Variants in ZNF316 observed in about 807,000 individuals in gnomAD.
ZNF316 encodes zinc finger protein 316.
A neutral mutation model predicts 75.6 loss-of-function variants in ZNF316; 23 were observed. The ratio of observed to expected loss-of-function variants is 0.30; its 90% CI spans 0.22 to 0.43. The LOEUF is 0.43. ZNF316 is among the 20% of genes least tolerant of loss of function. The pLI, the probability that ZNF316 is intolerant of heterozygous loss-of-function variation, is 1.00. For missense variants in ZNF316, 1,266 were observed against 1,409.4 expected, an observed-to-expected ratio of 0.90 and a Z score of 1.63; for synonymous variants, 827 against 666.2, an observed-to-expected ratio of 1.24 and a Z score of -3.72.
rs999448896 is a variant in ZNF316, at chr7:6,656,710, G to C, written c.*2099G>C. Among the ~76,000 whole-genome samples the C allele has an allele frequency of 1.3e-5, 2 of 152,050 alleles. No individual in the cohort carries two copies. Among genetic ancestry groups the C allele is most frequent in the Non-Finnish European group, 2.9e-5 (2 of 68,012 alleles). ...GGCATTACTTTTTGTGAATATGTTG[G>C]CCAGGCTTCCAGAGGCCAGAGTGAG... On this transcript the variant is annotated 3_prime_UTR_variant, in exon 9 of 9. Coordinates refer to ENST00000382252, the MANE Select transcript of ZNF316 (RefSeq NM_001278559.2).
chr7:6,646,391 G>A (rs755922913), intron 8 of ZNF316, among the ~76,000 whole-genome samples: 2 of 152,216 alleles, frequency 1.3e-5, no homozygotes, highest in African/African-American at 2.4e-5. Flanking sequence ...GTCCCTCAGC[G>A]TGTGGTCTAC....
Position 6,653,537 on chromosome 7 carries a change from G to C in ZNF316, c.1941G>C (p.Gly647=). Residue 647 remains glycine (G), a synonymous_variant, in exon 9 of 9, where the codon GGG becomes GGC. Coordinates refer to ENST00000382252, the MANE Select transcript of ZNF316 (RefSeq NM_001278559.2). ...GGPLSLVEGT[G]LACDPFGGGG... is the part of the protein sequence containing the mutation. ...CGCTCTCCCTGGTGGAGGGTACCGG[G>C]CTGGCGTGCGACCCTTTCGGCGGCG... is the stretch of plus-strand genomic sequence containing the variant. 8.3e-7 allele frequency: 1 copy of C among 1,211,742 alleles called. No homozygotes were observed. The highest frequency in any genetic ancestry group is 1.0e-6 in the Non-Finnish European group (1 of 975,624). 75.1% of individuals were successfully genotyped at this position (1,211,742 alleles called of 1,614,324 possible).
At position 6,652,616 on chromosome 7, in the gene ZNF316, C is replaced by T. The variant is rs373742099; in HGVS notation, c.1020C>T (p.Ala340=). ...WAFPAAVAPP[A]GRPETTCDVC... ...TCCCCGCCGCAGTGGCCCCGCCGGC[C>T]GGGAGGCCGGAGACCACGTGCGACG... Residue 340 remains alanine, a synonymous_variant, in exon 9 of 9, where the codon GCC becomes GCT. Coordinates refer to ENST00000382252, the MANE Select transcript of ZNF316 (RefSeq NM_001278559.2). 11 of 1,230,252 alleles carry T rather than the reference C, an allele frequency of 8.9e-6. No individual in the cohort carries two copies. The East Asian group carries it at 9.5e-5, about 11-fold the overall frequency. The allele number at this position is 1,230,252 out of a possible 1,614,324, so 76.2% of individuals were successfully genotyped here.
rs944460439 is a variant in ZNF316, at chr7:6,656,162, TGAG to T, written c.*1553_*1555del. 5 of 151,622 alleles carry T rather than the reference TGAG, an allele frequency of 3.3e-5. No individual in the cohort carries two copies. The highest frequency in any genetic ancestry group is 9.7e-5 in the African/African-American group (4 of 41,114). 9.4% of individuals were successfully genotyped at this position (151,622 alleles called of 1,614,324 possible). A position where few individuals can be genotyped will look rare whatever the true frequency, so the allele number is the denominator to read the frequency against. On this transcript the variant is annotated 3_prime_UTR_variant, in exon 9 of 9. Coordinates refer to ENST00000382252, the MANE Select transcript of ZNF316 (RefSeq NM_001278559.2). Reference sequence around the variant, plus strand: ...AGTTAGCCTGGCTGGGTGAGGTTGGTGAGGTTGCGGGGCGGGGTGGTGAGGAGA... The same window carrying T: ...AGTTAGCCTGGCTGGGTGAGGTTGGTGTTGCGGGGCGGGGTGGTGAGGAGA...
rs1287291814 is a variant in ZNF316 at position 6,657,144 on chromosome 7, C to T, written c.*2533C>T. Among the ~76,000 whole-genome samples the T allele has an allele frequency of 6.6e-6, 1 of 151,842 alleles. No individual in the cohort carries two copies. The highest frequency in any genetic ancestry group is 1.5e-5 in the Non-Finnish European group (1 of 67,960). ...GAGTAGCTGGGATTACAGGCATGTG[C>T]CACCATGCCCAGCGAGTTTTTTTGT... On this transcript the variant is annotated 3_prime_UTR_variant, in exon 9 of 9. Transcript: ENST00000382252.
chr7:6,638,168 GACCTCGGTGCTTGGTTTGGTTCA>G (rs758813478), intron 2 of ZNF316, among the ~76,000 whole-genome samples, 159 bp downstream of exon 2: 11 of 152,170 alleles, frequency 7.2e-5, no homozygotes, highest in Non-Finnish European at 1.6e-4. Flanking sequence ...TGTGTGGGGA[GACCTCGGTGCTTGGTTTGGTTCA>G]ACAAGTGTGG....
rs189760761 is a variant in ZNF316 at position 6,646,915 on chromosome 7, A to C, written c.706+2322A>C. Among the ~76,000 whole-genome samples the C allele has an allele frequency of 3.1e-3, 470 of 152,220 alleles. 1 individual carries two copies. Among genetic ancestry groups the C allele is most frequent in the Non-Finnish European group, 5.5e-3 (371 of 68,010 alleles). ...TCTGGGCTCTGGCACTGCCCTGATC[A>C]GGACCCACCCCTCCTGAGGGCTGCT... On this transcript the variant is annotated intron_variant, in intron 8 of 8. Transcript: ENST00000382252.
chr7:6,651,216 G>A (rs1266675653), intron 8 of ZNF316, among the ~76,000 whole-genome samples: 1 of 151,836 alleles, frequency 6.6e-6, no homozygotes, highest in Admixed American at 6.6e-5. Context: ...ATCATCATCT[G>A]GGCGCACGCC....
chr7:6,647,844 G>A (rs1779435251), intron 8 of ZNF316, among the ~76,000 whole-genome samples: 1 of 152,198 alleles, frequency 6.6e-6, no homozygotes, highest in Non-Finnish European at 1.5e-5. Flanking sequence ...CCCGTGGCAG[G>A]TTGGGACCGT....
Position 6,652,777 on chromosome 7 carries a change from C to T in ZNF316, c.1181C>T (p.Thr394Met), listed in dbSNP as rs1280049266. ...YRSHLAIHQR[T>M]HTGEKPFPCP... is the part of the protein sequence containing the mutation. Reference sequence around the variant, plus strand: ...TCGCACTTGGCCATCCACCAGCGCACGCACACCGGCGAGAAGCCCTTCCCG... The same window carrying T: ...TCGCACTTGGCCATCCACCAGCGCATGCACACCGGCGAGAAGCCCTTCCCG... The change falls in exon 9 of 9, where the codon ACG becomes ATG. Residue 394 changes from threonine (T) to methionine (M), a missense_variant. Physicochemically the swap from Thr to Met is moderately conservative, Grantham distance 81. Around this residue, in one of 3 missense-constraint regions of ZNF316, gnomAD observed 961 missense variants for 990.9 expected, o/e 0.97. Coordinates refer to ENST00000382252, the MANE Select transcript of ZNF316 (RefSeq NM_001278559.2). The T allele has an allele frequency of 1.6e-6, 2 of 1,272,654 alleles. No homozygotes were observed. Among genetic ancestry groups the T allele is most frequent in the Non-Finnish European group, 9.9e-7 (1 of 1,008,776 alleles). The allele number at this position is 1,272,654 out of a possible 1,614,324, so 78.8% of individuals were successfully genotyped here.
rs1036364616 is a variant in ZNF316 at position 6,653,467 on chromosome 7, G to A, written c.1871G>A (p.Arg624Gln). The A allele has an allele frequency of 2.0e-5, 24 of 1,226,880 alleles. No homozygotes were observed. The African/African-American group carries it at 3.4e-4, about 18-fold the overall frequency. 76.0% of individuals were successfully genotyped at this position (1,226,880 alleles called of 1,614,324 possible). A position where few individuals can be genotyped will look rare whatever the true frequency, so the allele number is the denominator to read the frequency against. ...CTGGGCCTACCCGACTTCCGAGAGC[G>A]GCTGCCGGTCGACGGGCGCCCGCTC... ...PILGLPDFRERLPVDGRPLPA... is the reference protein window; with the variant it reads ...PILGLPDFREQLPVDGRPLPA... Residue 624 changes from arginine (R) to glutamine (Q), a missense_variant, in exon 9 of 9, where the codon CGG (arginine) becomes CAG (glutamine). Transcript: ENST00000382252.
chr7:6,657,855 AAAG>A lies in ZNF316; in HGVS notation c.*3245_*3247del, dbSNP rs1779654224. On this transcript the variant is annotated 3_prime_UTR_variant, in exon 9 of 9. Coordinates refer to ENST00000382252, the MANE Select transcript of ZNF316 (RefSeq NM_001278559.2). ...CCAAAAAAAAAAAAAAAAAAAAAAA[AAAG>A]GTTCCCCGATAGAACTTATAGTTGA... is the stretch of plus-strand genomic sequence containing the variant. 1.3e-5 allele frequency among the ~76,000 whole-genome samples: 2 copies of A among 151,030 alleles called. No homozygotes were observed. The highest frequency in any genetic ancestry group is 3.0e-5 in the Non-Finnish European group (2 of 67,748).
intron 7 of ZNF316, 116 bp downstream of exon 7, chr7:6,644,064 G>A: frequency 2.6e-6 from 3 of 1,133,588 alleles, no homozygotes; most frequent in Non-Finnish European, 3.3e-6. Flanking sequence ...TGGATGCTGG[G>A]CCCAGCCCAC....
chr7:6,649,944 G>A (rs1053041187), intron 8 of ZNF316, among the ~76,000 whole-genome samples: 1 of 152,200 alleles, frequency 6.6e-6, no homozygotes, highest in Non-Finnish European at 1.5e-5. Flanking sequence ...TCCCAGCTCT[G>A]GGCAGCTGAG....
intron 8 of ZNF316, among the ~76,000 whole-genome samples, chr7:6,646,117 C>G (rs551552484): frequency 1.3e-5 from 2 of 152,128 alleles, no homozygotes; most frequent in African/African-American, 2.4e-5. Flanking sequence ...TGACACGACA[C>G]GTGCGGATTA....
intron 8 of ZNF316, among the ~76,000 whole-genome samples, chr7:6,645,172 C>T (rs1168358201): frequency 6.6e-6 from 1 of 152,192 alleles, no homozygotes; most frequent in East Asian, 1.9e-4. Flanking sequence ...ACTCTAAGGC[C>T]CCCTTTATTC....
rs1011465373 is a variant in ZNF316, at chr7:6,653,021, C to T, written c.1425C>T (p.His475=). 2.4e-6 allele frequency: 3 copies of T among 1,226,080 alleles called. No individual in the cohort carries two copies. The highest frequency in any genetic ancestry group is 4.1e-5 in the South Asian group (1 of 24,620). The allele number at this position is 1,226,080 out of a possible 1,614,324, so 76.0% of individuals were successfully genotyped here. ...SFSQSSALAR[H]QAVHTADRPH... is the part of the protein sequence containing the mutation. ...GCCAGAGCTCGGCGCTGGCACGGCACCAGGCGGTGCACACGGCCGACCGCC... is the reference window on the plus strand; with the variant it reads ...GCCAGAGCTCGGCGCTGGCACGGCATCAGGCGGTGCACACGGCCGACCGCC... Residue 475 remains histidine, a synonymous_variant, in exon 9 of 9, where the codon CAC becomes CAT. Coordinates refer to ENST00000382252, the MANE Select transcript of ZNF316 (RefSeq NM_001278559.2).
rs1001480517 is a variant in ZNF316 at position 6,640,304 on chromosome 7, G to A, written c.-167+1163G>A. Among the ~76,000 whole-genome samples the A allele has an allele frequency of 2.6e-5, 4 of 152,188 alleles. No homozygotes were observed. Among genetic ancestry groups the A allele is most frequent in the Admixed American group, 2.0e-4 (3 of 15,280 alleles). On this transcript the variant is annotated intron_variant, in intron 3 of 8. Transcript: ENST00000382252. This position sits in a 1 kb window ranked among gnomAD's most constrained non-coding sequence, Gnocchi z 5.1. ...TAAAGAAGAGGTGAGACTGGCGCATGGTTCTGCAGGCTGTACAGGAAGCAT... is the reference window on the plus strand; with the variant it reads ...TAAAGAAGAGGTGAGACTGGCGCATAGTTCTGCAGGCTGTACAGGAAGCAT...
chr7:6,643,147 T>C (rs574747289), intron 6 of ZNF316, 74 bp downstream of exon 6: 11 of 1,229,380 alleles, frequency 8.9e-6, no homozygotes, highest in East Asian at 3.2e-5. Context: ...ACCTGCTGTT[T>C]GGAGGCGTCT....
Sources: gnomAD v4.1 joint callset for allele counts (sites outside exome capture counted in the v4.1 genomes callset) on GRCh38, gnomAD v4.1.1 for gene constraint, gnomAD v4.1.1 regional missense constraint, Gnocchi (gnomAD v3.1) non-coding constraint, MANE v1.5 for transcripts, NCBI Gene and HGNC (gene_info 2026-07-23, HGNC 2026-07-21) for gene names.